The following MAN1C1 variants were observed in gnomAD, a reference collection of about 807,000 sequenced individuals.
MAN1C1 encodes the protein mannosyl-oligosaccharide 1,2-alpha-mannosidase IC.
A neutral mutation model predicts 71.5 loss-of-function variants in MAN1C1; 49 were observed. The ratio of observed to expected loss-of-function variants is 0.69; its 90% CI spans 0.54 to 0.87. MAN1C1 has a LOEUF of 0.87. Among genes scored for constraint, MAN1C1 ranks in the 40% least tolerant of loss-of-function variants. The probability of loss-of-function intolerance (pLI) is 0.00; values close to 1 mark genes in which losing one functional copy is unlikely to be tolerated. For missense variants in MAN1C1, 743 were observed against 835.0 expected (o/e 0.89, Z 1.36); for synonymous variants, 352 against 343.7 (o/e 1.02, Z -0.27).
chr1:25,757,965 T>G (rs1397913475), intron 5 of MAN1C1, among the ~76,000 whole-genome samples: 1 of 152,230 alleles, frequency 6.6e-6, no homozygotes, highest in Non-Finnish European at 1.5e-5. Flanking sequence ...CTCTGCATTC[T>G]TTGTCTTTGA....
chr1:25,668,193 A>G, intron 1 of MAN1C1, among the ~76,000 whole-genome samples: 1 of 152,186 alleles, frequency 6.6e-6, no homozygotes, highest in South Asian at 2.1e-4. Context: ...TTTTTTTCAG[A>G]TATTTATTAA....
intron 1 of MAN1C1, among the ~76,000 whole-genome samples, chr1:25,663,169 TTATA>T (rs1199660844): frequency 6.8e-6 from 1 of 148,136 alleles, no homozygotes; most frequent in Non-Finnish European, 1.5e-5. Context: ...TATATTTTAT[TTATA>T]TATTATTTTA....
intron 2 of MAN1C1, among the ~76,000 whole-genome samples, chr1:25,710,789 G>T (rs2046603134): frequency 5.3e-5 from 8 of 152,162 alleles, no homozygotes. Context: ...TGATGACTTA[G>T]TAAAGATGAA....
intron 2 of MAN1C1, among the ~76,000 whole-genome samples, chr1:25,742,927 A>G (rs1002271541): frequency 1.3e-5 from 2 of 152,204 alleles, no homozygotes; most frequent in Admixed American, 6.5e-5. Context: ...CCAGGCTGCT[A>G]TTTCAAGGTG....
At chr1:25,780,154 C>T (rs1187752400) in intron 9 of MAN1C1, among the ~76,000 whole-genome samples, 1 of 152,194 alleles carries the variant, frequency 6.6e-6, no homozygotes, top group African/African-American at 2.4e-5. Flanking sequence ...GTAGCAATTA[C>T]CTTACTAAAG....
intron 2 of MAN1C1, among the ~76,000 whole-genome samples, chr1:25,716,394 A>T (rs2046681539): frequency 6.6e-6 from 1 of 152,158 alleles, no homozygotes; most frequent in Non-Finnish European, 1.5e-5. Flanking sequence ...GTACAGTGGC[A>T]TGATCTCGGC....
At chr1:25,664,428 A>G (rs983859507) in intron 1 of MAN1C1, among the ~76,000 whole-genome samples, 3 of 152,340 alleles carry the variant, frequency 2.0e-5, no homozygotes, top group African/African-American at 7.2e-5. Context: ...ATTTCCTCCC[A>G]GGAGAGTGCT....
intron 2 of MAN1C1, among the ~76,000 whole-genome samples, chr1:25,721,624 A>G (rs971327475): frequency 9.9e-5 from 15 of 152,228 alleles, no homozygotes; most frequent in Non-Finnish European, 1.2e-4. Context: ...GATGTATCCT[A>G]CAACCTTGCT....
rs762278339 is a variant in MAN1C1 at position 25,758,724 on chromosome 1, C to T, written c.1047+15C>T. ...TCGCTGAAAAGGCAAGTCTCCTCCCCACCCTTCTTCCTGCGGAGCAGAGGG... is the reference window on the plus strand; with the variant it reads ...TCGCTGAAAAGGCAAGTCTCCTCCCTACCCTTCTTCCTGCGGAGCAGAGGG... On this transcript the variant is annotated intron_variant, in intron 6 of 11. Coordinates refer to ENST00000374332, the MANE Select transcript of MAN1C1 (RefSeq NM_020379.4). 3 of 1,601,686 alleles carry T rather than the reference C, an allele frequency of 1.9e-6. No homozygotes were observed. Among genetic ancestry groups the T allele is most frequent in the South Asian group, 1.1e-5 (1 of 90,800 alleles).
chr1:25,709,861 T>A (rs554320593), intron 2 of MAN1C1: 1 of 152,388 alleles, frequency 6.6e-6, no homozygotes, highest in African/African-American at 2.4e-5. Context: ...TTCTCCTGCC[T>A]CAGCCTCCCG....
intron 1 of MAN1C1, among the ~76,000 whole-genome samples, chr1:25,625,550 T>G (rs1053648803): frequency 2.0e-5 from 3 of 152,194 alleles, no homozygotes; most frequent in African/African-American, 7.2e-5. Context: ...GTACAATGGC[T>G]CATGCTTGTA....
At chr1:25,707,936 G>A (rs2124238265) in intron 2 of MAN1C1, among the ~76,000 whole-genome samples, 1 of 152,324 alleles carries the variant, frequency 6.6e-6, no homozygotes, top group East Asian at 1.9e-4. Context: ...GGACCCCCAG[G>A]ATGGACCCTG....
chr1:25,774,521 T>G (rs2047594201), intron 8 of MAN1C1, among the ~76,000 whole-genome samples: 1 of 152,010 alleles, frequency 6.6e-6, no homozygotes, highest in Non-Finnish European at 1.5e-5. Flanking sequence ...CTGAAACCCC[T>G]CCCGCGAGTG....
At chr1:25,718,162 T>C (rs1376228494) in intron 2 of MAN1C1, among the ~76,000 whole-genome samples, 1 of 152,186 alleles carries the variant, frequency 6.6e-6, no homozygotes, top group Non-Finnish European at 1.5e-5. Context: ...CCTAAGTAAC[T>C]GTTTGTTTTC....
At chr1:25,678,634 G>A (rs1269749678) in intron 1 of MAN1C1, among the ~76,000 whole-genome samples, 1 of 152,202 alleles carries the variant, frequency 6.6e-6, no homozygotes, top group East Asian at 1.9e-4. Flanking sequence ...TATGTGCACA[G>A]AGATGTTCAC....
chr1:25,754,420 T>A lies in MAN1C1; in HGVS notation c.929+842T>A, dbSNP rs557856588. 7.2e-5 allele frequency among the ~76,000 whole-genome samples: 11 copies of A among 152,280 alleles called. 1 individual carries two copies. The South Asian group carries it at 1.7e-3, about 23-fold the overall frequency. ...TTGGCCTCAAGGGCTTCACCACCTT[T>A]CTCTGGTCTTGCAAAAAGAGGGCTT... On this transcript the variant is annotated intron_variant, in intron 5 of 11. Transcript: ENST00000374332.
chr1:25,656,381 A>G (rs1286346697), intron 1 of MAN1C1, among the ~76,000 whole-genome samples: 1 of 152,092 alleles, frequency 6.6e-6, no homozygotes, highest in African/African-American at 2.4e-5. Flanking sequence ...TACAGGCATC[A>G]GTCACTGCGC....
Position 25,776,534 on chromosome 1 carries a change from C to CAA in MAN1C1, c.1258-1570_1258-1569insAA, listed in dbSNP as rs147690431. ...TGCCACTGCACTTCAGCCTGGGTGA[C>CAA]AGAGTAAGACTGTGTCTCAAAACAA... On this transcript the variant is annotated intron_variant, in intron 8 of 11. Coordinates refer to ENST00000374332, the MANE Select transcript of MAN1C1 (RefSeq NM_020379.4). The surrounding 1 kb of genome is among the most constrained non-coding windows in gnomAD (Gnocchi z 4.3). Among the ~76,000 whole-genome samples the CAA allele has an allele frequency of 0.062, 9,390 of 152,218 alleles. 423 individuals carry two copies. Among genetic ancestry groups the CAA allele is most frequent in the Non-Finnish European group, 0.1 (6,766 of 67,992 alleles).
intron 1 of MAN1C1, among the ~76,000 whole-genome samples, chr1:25,650,744 T>G (rs1438538986): frequency 6.6e-6 from 1 of 152,224 alleles, no homozygotes; most frequent in East Asian, 1.9e-4. Context: ...TAAATGGCTA[T>G]TAGGAGAGCT....
Sources: allele counts gnomAD v4.1 joint callset (sites outside exome capture counted in the v4.1 genomes callset), GRCh38; gene constraint gnomAD v4.1.1; non-coding constraint Gnocchi (gnomAD v3.1); transcripts MANE v1.5; gene names NCBI Gene and HGNC (gene_info 2026-07-23, HGNC 2026-07-21).